PRRC2B: variants seen among roughly 807,000 people sequenced by gnomAD.
PRRC2B encodes the protein protein PRRC2B.
Under a neutral mutation model 242.3 loss-of-function variants are expected in PRRC2B, and 68 were observed. That is an observed-to-expected ratio of 0.28 (90% CI 0.23 to 0.34). PRRC2B has a LOEUF of 0.34. Ranked by LOEUF, PRRC2B falls within the 10% of genes least tolerant of loss-of-function variation. The pLI, the probability that PRRC2B is intolerant of heterozygous loss-of-function variation, is 1.00. For synonymous variants in PRRC2B, 1,228 were observed against 1,173.6 expected, an observed-to-expected ratio of 1.05 and a Z score of -0.95; for missense variants, 2,835 against 2,954.8, an observed-to-expected ratio of 0.96 and a Z score of 0.94.
At chr9:131,448,561 A>AACAAAAAAAAAAAAC (rs1838900810) in intron 9 of PRRC2B, among the ~76,000 whole-genome samples, 1 of 142,870 alleles carries the variant, frequency 7.0e-6, no homozygotes, top group Non-Finnish European at 1.5e-5. Flanking sequence ...AAAAAAAAAA[A>AACAAAAAAAAAAAAC]AAAAAAAAAG....
upstream of PRRC2B, among the ~76,000 whole-genome samples, chr9:131,391,065 T>G (rs144361757): frequency 1.3e-5 from 2 of 151,974 alleles, no homozygotes; most frequent in East Asian, 1.9e-4. Flanking sequence ...GATTACAGGC[T>G]TGAGCCACTG....
intron 13 of PRRC2B, among the ~76,000 whole-genome samples, chr9:131,468,975 C>T (rs1360642609): frequency 6.6e-6 from 1 of 152,120 alleles, no homozygotes; most frequent in East Asian, 1.9e-4. Context: ...TTGCGCCAAA[C>T]CTAGCAGCGA....
chr9:131,471,265 GT>G (rs1347920656), intron 14 of PRRC2B, among the ~76,000 whole-genome samples: 2 of 152,120 alleles, frequency 1.3e-5, no homozygotes, highest in African/African-American at 4.8e-5. Context: ...CATTCTTAAT[GT>G]TCTTTGTGCT....
rs1838671372 is a variant in PRRC2B, at chr9:131,443,278, C to T, written c.470-907C>T. Among the ~76,000 whole-genome samples the T allele has an allele frequency of 3.3e-5, 5 of 151,596 alleles. No individual in the cohort carries two copies. The South Asian group carries it at 6.2e-4, about 19-fold the overall frequency. Reference sequence around the variant, plus strand: ...CCTCCCGAGTAGCTGGGACTACAGGCGCCCGCCACCACGTCTGGCTAATTT... The same window carrying T: ...CCTCCCGAGTAGCTGGGACTACAGGTGCCCGCCACCACGTCTGGCTAATTT... On this transcript the variant is annotated intron_variant, in intron 5 of 31. Transcript: ENST00000683519.
At chr9:131,392,184 C>T (rs115326511), upstream of PRRC2B, among the ~76,000 whole-genome samples, 545 of 151,540 alleles carry the variant, frequency 3.6e-3, 2 homozygotes, top group African/African-American at 0.013. Context: ...GTGCAACCTC[C>T]GCCACCCGGG....
intron 3 of PRRC2B, 53 bp from the exon 4 acceptor site, chr9:131,436,567 C>A: frequency 1.4e-6 from 2 of 1,444,418 alleles, no homozygotes; most frequent in Non-Finnish European, 1.9e-6. Context: ...ACGCAGAGAC[C>A]TGGCCAGCGC....
upstream of PRRC2B, among the ~76,000 whole-genome samples, chr9:131,390,590 G>C (rs1343704419): frequency 1.0e-4 from 12 of 117,660 alleles, no homozygotes; most frequent in Admixed American, 6.2e-4. Flanking sequence ...TCATGCCATT[G>C]TCCTGCCTCA....
chr9:131,434,852 C>A (rs1362567486), intron 3 of PRRC2B, among the ~76,000 whole-genome samples: 1 of 152,188 alleles, frequency 6.6e-6, no homozygotes, highest in Non-Finnish European at 1.5e-5. Flanking sequence ...ATCACTTCAC[C>A]TGTGGAGTGT....
chr9:131,429,379 G>A (rs1270807378), intron 1 of PRRC2B, among the ~76,000 whole-genome samples: 1 of 152,212 alleles, frequency 6.6e-6, no homozygotes, highest in Non-Finnish European at 1.5e-5. Flanking sequence ...CTTTCTTGGA[G>A]GGCTTTTCAA....
chr9:131,469,995 C>T (rs78029428), intron 13 of PRRC2B, among the ~76,000 whole-genome samples: 1,710 of 152,068 alleles, frequency 0.011, 32 homozygotes, highest in African/African-American at 0.039. Flanking sequence ...GACCTGGTCT[C>T]GTCTGGGGGT....
At chr9:131,486,776 TA>T (rs1007555801) in intron 26 of PRRC2B, among the ~76,000 whole-genome samples, 10 of 152,236 alleles carry the variant, frequency 6.6e-5, no homozygotes, top group African/African-American at 2.2e-4. Context: ...GACCTCTTTT[TA>T]AAAACATGTT....
chr9:131,457,988 C>T (rs1181051367), intron 10 of PRRC2B, among the ~76,000 whole-genome samples: 1 of 152,148 alleles, frequency 6.6e-6, no homozygotes, highest in Non-Finnish European at 1.5e-5. Flanking sequence ...CTCTGATCTG[C>T]AGTATTACCG....
intron 1 of PRRC2B, among the ~76,000 whole-genome samples, chr9:131,429,553 T>C (rs1200266925): frequency 1.3e-5 from 2 of 152,210 alleles, no homozygotes; most frequent in Non-Finnish European, 2.9e-5. Flanking sequence ...TTGTTTATTT[T>C]GAAAAGTGTA....
At chr9:131,477,975 G>C (rs746456788) in intron 17 of PRRC2B, 26 bp downstream of exon 17, 90 of 1,603,088 alleles carry the variant, frequency 5.6e-5, no homozygotes, top group Non-Finnish European at 7.5e-5. Flanking sequence ...ATCTTCAGGG[G>C]AAAGAACTCA....
chr9:131,448,539 G>T (rs1276064203), intron 9 of PRRC2B, among the ~76,000 whole-genome samples: 2 of 11,330 alleles, frequency 1.8e-4, no homozygotes, highest in East Asian at 3.8e-3. Flanking sequence ...GGGAGACACT[G>T]TCTCAAAAAA....
At chr9:131,423,120 C>T (rs1056380417) in intron 1 of PRRC2B, among the ~76,000 whole-genome samples, 8 of 152,156 alleles carry the variant, frequency 5.3e-5, no homozygotes, top group East Asian at 1.9e-4. Flanking sequence ...GGAGAGAAAA[C>T]GAATTCTGTT....
rs927325404 is a variant in PRRC2B, at chr9:131,446,494, G to A, written c.707G>A (p.Ser236Asn). ...ACTGAGCTGGGCAGCAGGAACTCGA[G>A]TACGGGAGATGGAGCCCCCTCCTCG... ...SPTELGSRNSSTGDGAPSSAC... is the reference protein window; with the variant it reads ...SPTELGSRNSNTGDGAPSSAC... Residue 236 changes from serine to asparagine, a missense_variant, in exon 7 of 32, where the codon AGT becomes AAT. Ser to Asn is a conservative substitution (Grantham distance 46, BLOSUM62 1). Coordinates refer to ENST00000683519, the MANE Select transcript of PRRC2B (RefSeq NM_013318.4). This position sits in a 1 kb window ranked among gnomAD's most constrained non-coding sequence, Gnocchi z 4.1. 14 of 1,613,766 alleles carry A rather than the reference G, an allele frequency of 8.7e-6. No individual in the cohort carries two copies. The highest frequency in any genetic ancestry group is 1.2e-5 in the Non-Finnish European group (14 of 1,179,882).
chr9:131,491,203 C>A, intron 28 of PRRC2B: 1 of 498,456 alleles, frequency 2.0e-6, no homozygotes. Context: ...ACCACCTACT[C>A]TATTCCAGCA....
intron 1 of PRRC2B, among the ~76,000 whole-genome samples, chr9:131,427,052 T>C (rs1457956493): frequency 6.6e-6 from 1 of 152,214 alleles, no homozygotes; most frequent in Non-Finnish European, 1.5e-5. Context: ...TGTCCCCTGC[T>C]CACACAGATC....
Sources: gnomAD v4.1 joint callset for allele counts (sites outside exome capture counted in the v4.1 genomes callset) on GRCh38, gnomAD v4.1.1 for gene constraint, Gnocchi (gnomAD v3.1) non-coding constraint, MANE v1.5 for transcripts, NCBI Gene and HGNC (gene_info 2026-07-23, HGNC 2026-07-21) for gene names.